ADAM20: variants seen among roughly 807,000 people sequenced by gnomAD.
The protein encoded by ADAM20 is disintegrin and metalloproteinase domain-containing protein 20.
For synonymous variants in ADAM20, 305 were observed against 310.2 expected, an observed-to-expected ratio of 0.98 and a Z score of 0.18; for missense variants, 871 against 883.2, an observed-to-expected ratio of 0.99 and a Z score of 0.18.
the ADAM20 span, among the ~76,000 whole-genome samples, chr14:70,561,813 T>G: frequency 6.6e-6 from 1 of 152,168 alleles, no homozygotes; most frequent in Non-Finnish European, 1.5e-5. Flanking sequence ...AAGGCAAGAG[T>G]TGAGGTTTGA....
At chr14:70,556,011 G>A in the ADAM20 span, among the ~76,000 whole-genome samples, 1,182 of 152,252 alleles carry the variant, frequency 7.8e-3, 19 homozygotes, top group African/African-American at 0.027. Context: ...TCCCTCCTCC[G>A]AAGAGCATTT....
rs932772204 is a variant in ADAM20, at chr14:70,526,990, T to A, written c.-176-2057A>T. The stretch of plus-strand genomic sequence containing the variant: ...AAAATATCAGAGGGTTTTACACAGA[T>A]CCTTAGCAAGACCTTCAAACACTGT... On this transcript the variant is annotated intron_variant, in intron 1 of 1. Transcript: ENST00000256389. 3.3e-5 allele frequency among the ~76,000 whole-genome samples: 5 copies of A among 152,154 alleles called. No homozygotes were observed. In the East Asian group the frequency reaches 9.6e-4, roughly 29 times the overall value.
chr14:70,542,938 C>CA, the ADAM20 span, among the ~76,000 whole-genome samples: 1,615 of 122,688 alleles, frequency 0.013, 14 homozygotes, highest in African/African-American at 0.027. Context: ...GACTCCATCT[C>CA]AAAAAAAAAA....
chr14:70,533,776 A>AC (rs201177083), intron 1 of ADAM20, among the ~76,000 whole-genome samples: 3,971 of 151,292 alleles, frequency 0.026, 78 homozygotes, highest in Middle Eastern at 0.058. Context: ...AAAAAAAAAA[A>AC]CCCTCTTAGA....
the ADAM20 span, among the ~76,000 whole-genome samples, chr14:70,579,403 T>C: frequency 6.6e-6 from 1 of 152,172 alleles, no homozygotes; most frequent in Admixed American, 6.5e-5. Context: ...TATCTCGTCG[T>C]GGTTTTAATT....
the ADAM20 span, among the ~76,000 whole-genome samples, chr14:70,565,592 G>A: frequency 6.6e-6 from 1 of 152,198 alleles, no homozygotes; most frequent in Non-Finnish European, 1.5e-5. Context: ...TGCAGGCCAA[G>A]AGAGTGAGAT....
chr14:70,559,529 AAT>A, the ADAM20 span, among the ~76,000 whole-genome samples: 1 of 152,210 alleles, frequency 6.6e-6, no homozygotes, highest in Non-Finnish European at 1.5e-5. Flanking sequence ...GTTCTGTTTT[AAT>A]ATGAGTCATA....
upstream of ADAM20, among the ~76,000 whole-genome samples, chr14:70,537,211 C>T (rs1447422423): frequency 6.6e-6 from 1 of 152,090 alleles, no homozygotes; most frequent in Admixed American, 6.5e-5. Flanking sequence ...GAGCAATTTG[C>T]ATGAGGAGGA....
At chr14:70,531,261 C>A (rs1164105995) in intron 1 of ADAM20, among the ~76,000 whole-genome samples, 1 of 152,120 alleles carries the variant, frequency 6.6e-6, no homozygotes, top group African/African-American at 2.4e-5. Flanking sequence ...ATAAAAATTA[C>A]ATGATCATCT....
the ADAM20 span, among the ~76,000 whole-genome samples, chr14:70,546,245 C>G: frequency 6.6e-6 from 1 of 152,036 alleles, no homozygotes; most frequent in Non-Finnish European, 1.5e-5. Context: ...CACTGTGAAC[C>G]CCCAAAATTT....
At chr14:70,540,073 G>T in the ADAM20 span, among the ~76,000 whole-genome samples, 2 of 152,270 alleles carry the variant, frequency 1.3e-5, no homozygotes, top group East Asian at 3.9e-4. Context: ...TAGAGATGGG[G>T]TTTCATCATG....
At chr14:70,558,251 CA>C in the ADAM20 span, among the ~76,000 whole-genome samples, 2 of 152,112 alleles carry the variant, frequency 1.3e-5, no homozygotes, top group Non-Finnish European at 2.9e-5. Flanking sequence ...GTCTTGTAGT[CA>C]AATACAAGGA....
At chr14:70,569,025 A>C in the ADAM20 span, among the ~76,000 whole-genome samples, 1 of 152,176 alleles carries the variant, frequency 6.6e-6, no homozygotes, top group Non-Finnish European at 1.5e-5. Context: ...AGGTAGCTAG[A>C]GAAAAGGCCC....
At chr14:70,539,920 C>T (rs1421916424), upstream of ADAM20, among the ~76,000 whole-genome samples, 5 of 152,198 alleles carry the variant, frequency 3.3e-5, no homozygotes, top group Non-Finnish European at 7.3e-5. Context: ...GGTGACCCCC[C>T]TGGACCCAGC....
the ADAM20 span, among the ~76,000 whole-genome samples, chr14:70,558,235 TAA>T: frequency 6.6e-6 from 1 of 152,142 alleles, no homozygotes; most frequent in Admixed American, 6.5e-5. Flanking sequence ...TAAAGAGATA[TAA>T]AAAGTCTTGT....
At chr14:70,559,629 C>A in the ADAM20 span, among the ~76,000 whole-genome samples, 1 of 152,178 alleles carries the variant, frequency 6.6e-6, no homozygotes, top group African/African-American at 2.4e-5. Context: ...AGGTTGTACC[C>A]AATATACCTC....
At chr14:70,544,053 C>T in the ADAM20 span, among the ~76,000 whole-genome samples, 12 of 152,048 alleles carry the variant, frequency 7.9e-5, no homozygotes, top group African/African-American at 1.7e-4. Flanking sequence ...ACGCCAGCCC[C>T]GAGATAACCT....
the ADAM20 span, among the ~76,000 whole-genome samples, chr14:70,549,221 C>A: frequency 1.1e-5 from 1 of 92,810 alleles, no homozygotes; most frequent in African/African-American, 4.8e-5. Flanking sequence ...TAAAGACCAT[C>A]GAGACTAGGA....
At chr14:70,572,158 G>C in the ADAM20 span, among the ~76,000 whole-genome samples, 2 of 152,064 alleles carry the variant, frequency 1.3e-5, no homozygotes, top group Non-Finnish European at 2.9e-5. Flanking sequence ...CCAAAAAAGA[G>C]CCTGATTAAC....
Sources: allele counts gnomAD v4.1 joint callset (sites outside exome capture counted in the v4.1 genomes callset), GRCh38; gene constraint gnomAD v4.1.1; transcripts MANE v1.5; gene names NCBI Gene and HGNC (gene_info 2026-07-23, HGNC 2026-07-21).